The following SHANK2 variants were observed in gnomAD, a reference collection of about 807,000 sequenced individuals.
The protein encoded by SHANK2 is SH3 and multiple ankyrin repeat domains protein 2.
In SHANK2, 43 loss-of-function variants were observed where a neutral mutation model predicts 133.7. That is an observed-to-expected ratio of 0.32 (90% CI 0.25 to 0.41). The LOEUF is 0.41. Among genes scored for constraint, SHANK2 ranks in the 10% least tolerant of loss-of-function variants. The probability of loss-of-function intolerance (pLI) is 1.00; values close to 1 mark genes in which losing one functional copy is unlikely to be tolerated. For synonymous variants in SHANK2, 1,017 were observed against 952.8 expected (o/e 1.07, Z -1.24); for missense variants, 1,994 against 2,235.8 (o/e 0.89, Z 2.18).
intron 14 of SHANK2, among the ~76,000 whole-genome samples, chr11:70,775,263 C>T (rs112145825): frequency 0.016 from 2,370 of 152,274 alleles, 68 homozygotes; most frequent in African/African-American, 0.055. Context: ...CAAGACCAGC[C>T]TTGGCAACAT....
At chr11:70,923,808 C>T (rs1047969340) in intron 10 of SHANK2, among the ~76,000 whole-genome samples, 5 of 152,204 alleles carry the variant, frequency 3.3e-5, no homozygotes, top group Admixed American at 6.5e-5. Context: ...CCGCCTTGGC[C>T]TCCCAAGGCG....
rs782251527 is a variant in SHANK2 at position 70,940,253 on chromosome 11, CTT to C, written c.1108-43688_1108-43687del. On this transcript the variant is annotated intron_variant, in intron 10 of 25. Coordinates refer to ENST00000601538, the MANE Select transcript of SHANK2 (RefSeq NM_012309.5). ...TCCCTTCTTCTCTCTCTCTCTCTCT[CTT>C]TCTCTCTTTTGAGACAGAGTCTCGC... Among the ~76,000 whole-genome samples, 41 of 146,432 alleles carry C rather than the reference CTT, an allele frequency of 2.8e-4. 1 individual carries two copies. In the East Asian group the frequency reaches 5.8e-3, roughly 21 times the overall value.
intron 17 of SHANK2, among the ~76,000 whole-genome samples, chr11:70,548,853 T>G (rs1288765936): frequency 2.0e-5 from 3 of 152,000 alleles, no homozygotes; most frequent in African/African-American, 7.3e-5. Flanking sequence ...TGGACACGCA[T>G]GGTGGGAAGG....
At chr11:71,206,238 G>A (rs940243431) in intron 2 of SHANK2, among the ~76,000 whole-genome samples, 17 of 152,298 alleles carry the variant, frequency 1.1e-4, no homozygotes, top group African/African-American at 3.1e-4. Flanking sequence ...CACACAGAGC[G>A]ACTCCAGGAA....
chr11:71,216,385 T>C (rs1321087737), intron 2 of SHANK2, among the ~76,000 whole-genome samples: 1 of 152,190 alleles, frequency 6.6e-6, no homozygotes, highest in East Asian at 1.9e-4. Flanking sequence ...TATTATACGA[T>C]TCCATTTATA....
At chr11:71,182,760 A>C (rs1953585296) in intron 2 of SHANK2, among the ~76,000 whole-genome samples, 1 of 152,204 alleles carries the variant, frequency 6.6e-6, no homozygotes, top group Admixed American at 6.5e-5. Flanking sequence ...GCGGGGATGC[A>C]AGGTAACCCA....
chr11:70,489,926 C>T (rs1591493639), intron 23 of SHANK2: 1 of 351,762 alleles, frequency 2.8e-6, no homozygotes, highest in Non-Finnish European at 5.5e-6. Context: ...TTACCCTTCC[C>T]ACCCTGAGCA....
intron 6 of SHANK2, among the ~76,000 whole-genome samples, chr11:71,101,838 CAAG>C (rs1173231015): frequency 3.3e-5 from 5 of 152,154 alleles, no homozygotes; most frequent in Non-Finnish European, 7.3e-5. Context: ...GCTACAGCAG[CAAG>C]AAGGGGAAGC....
intron 17 of SHANK2, among the ~76,000 whole-genome samples, chr11:70,626,924 T>A (rs1005231448): frequency 6.6e-6 from 1 of 152,200 alleles, no homozygotes; most frequent in South Asian, 2.1e-4. Context: ...GGATGAAGGC[T>A]GCGGTTCCCA....
intron 14 of SHANK2, among the ~76,000 whole-genome samples, chr11:70,778,135 C>T (rs1022886894): frequency 6.6e-6 from 1 of 152,212 alleles, no homozygotes; most frequent in Admixed American, 6.5e-5. Flanking sequence ...CCCAAGGTCA[C>T]ACAGGAGACA....
At chr11:70,799,220 A>G (rs1302454120) in intron 13 of SHANK2, among the ~76,000 whole-genome samples, 1 of 152,128 alleles carries the variant, frequency 6.6e-6, no homozygotes, top group Non-Finnish European at 1.5e-5. Flanking sequence ...CAACATAGCC[A>G]AACCGCGTCT....
At chr11:71,078,714 C>T (rs1951252951) in intron 8 of SHANK2, among the ~76,000 whole-genome samples, 1 of 152,224 alleles carries the variant, frequency 6.6e-6, no homozygotes, top group South Asian at 2.1e-4. Context: ...AAGTTACCAC[C>T]CCTTTCCCTG....
intron 11 of SHANK2, among the ~76,000 whole-genome samples, chr11:70,841,738 G>A (rs1336831463): frequency 6.6e-6 from 1 of 152,190 alleles, no homozygotes; most frequent in Non-Finnish European, 1.5e-5. Context: ...AAGCCAGGAT[G>A]ACGTGACTGC....
rs1176774480 is a variant in SHANK2 at position 70,830,290 on chromosome 11, C to T, written c.1175-9608G>A. ...AGCATGTCCGTGGCCTGAAGCCTGCCCTGCCTGCCTGGCTGGGAGGGAAGT... is the reference window on the plus strand; with the variant it reads ...AGCATGTCCGTGGCCTGAAGCCTGCTCTGCCTGCCTGGCTGGGAGGGAAGT... On this transcript the variant is annotated intron_variant, in intron 11 of 25. Transcript: ENST00000601538. This position sits in a 1 kb window ranked among gnomAD's most constrained non-coding sequence, Gnocchi z 4.4. 6.6e-6 allele frequency among the ~76,000 whole-genome samples: 1 copy of T among 152,208 alleles called. No homozygotes were observed. The highest frequency in any genetic ancestry group is 1.5e-5 in the Non-Finnish European group (1 of 68,034).
intron 11 of SHANK2, among the ~76,000 whole-genome samples, chr11:70,831,181 A>G (rs1322724599): frequency 2.6e-5 from 4 of 151,822 alleles, no homozygotes; most frequent in Admixed American, 6.6e-5. Context: ...CTGCCCGCAC[A>G]CCCACCCGTC....
intron 17 of SHANK2, among the ~76,000 whole-genome samples, chr11:70,572,637 G>T (rs1411716762): frequency 6.6e-6 from 1 of 152,172 alleles, no homozygotes; most frequent in African/African-American, 2.4e-5. Context: ...ACACAGGGAT[G>T]GTTGGCAAGA....
Position 70,739,668 on chromosome 11 carries a change from C to T in SHANK2, c.1778-40905G>A, listed in dbSNP as rs1036117043. Among the ~76,000 whole-genome samples, 18 of 152,186 alleles carry T rather than the reference C, an allele frequency of 1.2e-4. No homozygotes were observed. The highest frequency in any genetic ancestry group is 3.4e-4 in the African/African-American group (14 of 41,444). The stretch of plus-strand genomic sequence containing the variant: ...CCCAGGGAGGCTGTGATGGGCTGAA[C>T]GGAGTCCCTCCAAATTCATATGCTG... On this transcript the variant is annotated intron_variant, in intron 14 of 25. Transcript: ENST00000601538. This position sits in a 1 kb window ranked among gnomAD's most constrained non-coding sequence, Gnocchi z 4.3.
chr11:70,810,472 GGGA>G, intron 12 of SHANK2, among the ~76,000 whole-genome samples: 1 of 152,300 alleles, frequency 6.6e-6, no homozygotes, highest in South Asian at 2.1e-4. Context: ...CGGCAACCAA[GGGA>G]CTCCAAGGAG....
intron 2 of SHANK2, among the ~76,000 whole-genome samples, chr11:71,195,264 C>T (rs941567250): frequency 3.9e-5 from 6 of 152,158 alleles, no homozygotes; most frequent in Non-Finnish European, 5.9e-5. Flanking sequence ...TGGTGGCGGG[C>T]GCCTGTAGTC....
Sources: gnomAD v4.1 joint callset for allele counts (sites outside exome capture counted in the v4.1 genomes callset) on GRCh38, gnomAD v4.1.1 for gene constraint, Gnocchi (gnomAD v3.1) non-coding constraint, MANE v1.5 for transcripts, NCBI Gene and HGNC (gene_info 2026-07-23, HGNC 2026-07-21) for gene names.